Variants in STAT1 observed in about 807,000 individuals in gnomAD.
The protein encoded by STAT1 is signal transducer and activator of transcription 1-alpha/beta.
A neutral mutation model predicts 111.7 loss-of-function variants in STAT1; 24 were observed. The observed-to-expected ratio is 0.21, with a 90% confidence interval of 0.16 to 0.30. The LOEUF is 0.30. Ranked by LOEUF, STAT1 falls within the 10% of genes least tolerant of loss-of-function variation. STAT1 has a pLI of 1.00. For missense variants in STAT1, 351 were observed against 911.9 expected (o/e 0.38, Z 7.92); for synonymous variants, 332 against 326.5 (o/e 1.02, Z -0.18).
Position 190,990,000 on chromosome 2 carries a change from C to T in STAT1, c.1038-326G>A, listed in dbSNP as rs13005843. On this transcript the variant is annotated intron_variant, in intron 11 of 24. Transcript: ENST00000361099. This position sits in a 1 kb window ranked among gnomAD's most constrained non-coding sequence, Gnocchi z 5.0. ...CCAATATTCAGTTTCATCACAATTT[C>T]GACCTTTGGCCAATTTATATGGGTA... 0.065 allele frequency among the ~76,000 whole-genome samples: 9,904 copies of T among 152,256 alleles called. 376 individuals are homozygous for T. Among genetic ancestry groups the T allele is most frequent in the Middle Eastern group, 0.12 (34 of 294 alleles).
chr2:190,976,997 G>A lies in STAT1; in HGVS notation c.1902C>T (p.Tyr634=). 1 of 1,614,206 alleles carries A rather than the reference G, an allele frequency of 6.2e-7. No homozygotes were observed. Among genetic ancestry groups the A allele is most frequent in the Non-Finnish European group, 8.5e-7 (1 of 1,180,052 alleles). ...GEPDFHAVEP[Y]TKKELSAVTF... The stretch of plus-strand genomic sequence containing the variant: ...TAACAGCAGAAAGTTCTTTCTTCGT[G>A]TAGGGTTCAACCGCATGGAAGTCAG... Residue 634 remains tyrosine, a synonymous_variant, in exon 22 of 25, where the codon TAC becomes TAT. Transcript: ENST00000361099. This position sits in a 1 kb window ranked among gnomAD's most constrained non-coding sequence, Gnocchi z 6.0.
At position 190,982,468 on chromosome 2, in the gene STAT1, T is replaced by C; in HGVS notation, c.1497A>G (p.Ser499=). 1 of 1,614,216 alleles carries C rather than the reference T, an allele frequency of 6.2e-7. No individual in the cohort carries two copies. Among genetic ancestry groups the C allele is most frequent in the Non-Finnish European group, 8.5e-7 (1 of 1,180,018 alleles). Residue 499 remains serine (S), a synonymous_variant, in exon 18 of 25, where the codon TCA becomes TCG. Coordinates refer to ENST00000361099, the MANE Select transcript of STAT1 (RefSeq NM_007315.4). The surrounding 1 kb of genome is among the most constrained non-coding windows in gnomAD (Gnocchi z 7.3). ...AAGAAAACTGCCAACTCAGCACTTC[T>C]GAAAGCTGAGCCCATCGTGCACATG... is the stretch of plus-strand genomic sequence containing the variant. ...TPPCARWAQL[S]EVLSWQFSSV...
At position 190,989,667 on chromosome 2, in the gene STAT1, C is replaced by A; in HGVS notation, c.1045G>T (p.Val349Leu). Residue 349 changes from valine (V) to leucine (L), a missense_variant, in exon 12 of 25, where the codon GTG becomes TTG. By Grantham distance (32) the Val-to-Leu change is conservative. This residue lies in a region of STAT1 where 23 missense variants were observed against 123.1 expected (regional missense o/e 0.19). Coordinates refer to ENST00000361099, the MANE Select transcript of STAT1 (RefSeq NM_007315.4). The surrounding 1 kb of genome is among the most constrained non-coding windows in gnomAD (Gnocchi z 5.0). ...TTATAATTCAGCTCTTGCAATTTCACCAACAGTCTGGAAAGAAAAATAAAA... is the reference window on the plus strand; with the variant it reads ...TTATAATTCAGCTCTTGCAATTTCAACAACAGTCTGGAAAGAAAAATAAAA... ...VQFTVKLRLL[V>L]KLQELNYNLK... 1 of 1,597,332 alleles carries A rather than the reference C, an allele frequency of 6.3e-7. No homozygotes were observed. Among genetic ancestry groups the A allele is most frequent in the Non-Finnish European group, 8.6e-7 (1 of 1,168,794 alleles).
At chr2:191,013,731 T>A (rs1695316056) in intron 1 of STAT1, 53 bp from the exon 2 acceptor site, 3 of 398,532 alleles carry the variant, frequency 7.5e-6, no homozygotes, top group Admixed American at 8.8e-5. Flanking sequence ...CGGGAGAAAG[T>A]GACGGTAAAT....
chr2:190,985,937 T>A (rs1486364556), intron 14 of STAT1, among the ~76,000 whole-genome samples: 1 of 152,204 alleles, frequency 6.6e-6, no homozygotes, highest in African/African-American at 2.4e-5. Flanking sequence ...TGTTTCCCCA[T>A]GCACCTTCGT....
At position 191,004,138 on chromosome 2, in the gene STAT1, C is replaced by G. The variant is rs1474381887; in HGVS notation, c.373-2975G>C. ...TCTCTTACCCCTTCCACTCATCCCT[C>G]CCTGCTTCCCTCCACCCTGCCCCCA... is the stretch of plus-strand genomic sequence containing the variant. On this transcript the variant is annotated intron_variant, in intron 5 of 24. Transcript: ENST00000361099. This position sits in a 1 kb window ranked among gnomAD's most constrained non-coding sequence, Gnocchi z 5.0. Among the ~76,000 whole-genome samples the G allele has an allele frequency of 2.0e-5, 3 of 152,174 alleles. No individual in the cohort carries two copies. Among genetic ancestry groups the G allele is most frequent in the Non-Finnish European group, 4.4e-5 (3 of 68,022 alleles).
rs935733612 is a variant in STAT1 at position 190,989,796 on chromosome 2, CA to C, written c.1038-123del. On this transcript the variant is annotated intron_variant, in intron 11 of 24. Coordinates refer to ENST00000361099, the MANE Select transcript of STAT1 (RefSeq NM_007315.4). This position sits in a 1 kb window ranked among gnomAD's most constrained non-coding sequence, Gnocchi z 5.0. ...CCCTCCAGTTTTAGGGTATTACCAA[CA>C]AAAAAACTGACAGTTTTGTAGATCT... 5 of 674,718 alleles carry C rather than the reference CA, an allele frequency of 7.4e-6. No individual in the cohort carries two copies. The highest frequency in any genetic ancestry group is 1.8e-5 in the African/African-American group (1 of 54,598). The allele number at this position is 674,718 out of a possible 1,614,324, so 41.8% of individuals were successfully genotyped here.
At chr2:191,009,225 G>T in intron 3 of STAT1, 118 bp from the exon 4 acceptor site, 2 of 1,277,838 alleles carry the variant, frequency 1.6e-6, no homozygotes, top group Non-Finnish European at 2.2e-6. Flanking sequence ...ATTTTCTTAG[G>T]TTTATTTTCT....
rs778951169 is a variant in STAT1, at chr2:191,003,249, C to T, written c.373-2086G>A. 7.2e-5 allele frequency among the ~76,000 whole-genome samples: 11 copies of T among 152,188 alleles called. No homozygotes were observed. The highest frequency in any genetic ancestry group is 1.3e-4 in the Non-Finnish European group (9 of 68,034). ...AGAAATACATGAATGTTACTGGTAT[C>T]CTCTGTAAGTCCAAGGTGCCACATA... On this transcript the variant is annotated intron_variant, in intron 5 of 24. Transcript: ENST00000361099. This position sits in a 1 kb window ranked among gnomAD's most constrained non-coding sequence, Gnocchi z 4.0.
rs1310643542 is a variant in STAT1, at chr2:190,974,509, CT to C, written c.2238+320del. Among the ~76,000 whole-genome samples, 4 of 152,204 alleles carry C rather than the reference CT, an allele frequency of 2.6e-5. No homozygotes were observed. The East Asian group carries it at 7.7e-4, about 29-fold the overall frequency. ...ATCGCATTCCGAAGAAAAACATTTG[CT>C]TATCAAAGAAATCTTAGTTCCTTAA... On this transcript the variant is annotated intron_variant, in intron 24 of 24. Coordinates refer to ENST00000361099, the MANE Select transcript of STAT1 (RefSeq NM_007315.4). This position sits in a 1 kb window ranked among gnomAD's most constrained non-coding sequence, Gnocchi z 4.8.
chr2:190,979,813 T>C lies in STAT1; in HGVS notation c.1686A>G (p.Leu562=). The C allele has an allele frequency of 6.2e-7, 1 of 1,613,944 alleles. No homozygotes were observed. Among genetic ancestry groups the C allele is most frequent in the Non-Finnish European group, 8.5e-7 (1 of 1,179,822 alleles). The change falls in exon 20 of 25, where the codon CTA becomes CTG. Residue 562 remains leucine, a synonymous_variant. Coordinates refer to ENST00000361099, the MANE Select transcript of STAT1 (RefSeq NM_007315.4). This position sits in a 1 kb window ranked among gnomAD's most constrained non-coding sequence, Gnocchi z 5.8. The stretch of plus-strand genomic sequence containing the variant: ...GGAGCAGGTGTTTTTTAATGAGTTC[T>C]AGGATGCTTTCAATCCAAAGCCAGA... ...FPFWLWIESI[L]ELIKKHLLPL...
intron 5 of STAT1, among the ~76,000 whole-genome samples, chr2:191,005,945 T>G (rs1301657445): frequency 6.6e-6 from 1 of 152,158 alleles, no homozygotes; most frequent in Non-Finnish European, 1.5e-5. Flanking sequence ...CCAGATTACC[T>G]ACATTTTTAA....
chr2:190,999,558 T>A lies in STAT1; in HGVS notation c.541+68A>T, dbSNP rs41505447. The A allele has an allele frequency of 1.4e-3, 1,452 of 1,061,450 alleles. 12 individuals carry two copies. In the African/African-American group the frequency reaches 0.02, roughly 14 times the overall value. 65.8% of individuals were successfully genotyped at this position (1,061,450 alleles called of 1,614,324 possible). A position where few individuals can be genotyped will look rare whatever the true frequency, so the allele number is the denominator to read the frequency against. ...CTCGGCAAATAGAAAGGAGTAATCATCTTCGTTATCTAGTGTGAACAGAAA... is the reference window on the plus strand; with the variant it reads ...CTCGGCAAATAGAAAGGAGTAATCAACTTCGTTATCTAGTGTGAACAGAAA... On this transcript the variant is annotated intron_variant, in intron 7 of 24. Transcript: ENST00000361099. The surrounding 1 kb of genome is among the most constrained non-coding windows in gnomAD (Gnocchi z 4.1).
intron 2 of STAT1, among the ~76,000 whole-genome samples, chr2:191,013,153 T>C (rs1336466672): frequency 6.6e-6 from 1 of 152,204 alleles, no homozygotes; most frequent in Non-Finnish European, 1.5e-5. Flanking sequence ...CAGACGGAAT[T>C]AGAAAGTAAA....
At position 191,006,178 on chromosome 2, in the gene STAT1, C is replaced by T. The variant is rs1694675671; in HGVS notation, c.372+1385G>A. 6.6e-6 allele frequency among the ~76,000 whole-genome samples: 1 copy of T among 152,178 alleles called. No homozygotes were observed. Among genetic ancestry groups the T allele is most frequent in the African/African-American group, 2.4e-5 (1 of 41,438 alleles). On this transcript the variant is annotated intron_variant, in intron 5 of 24. Transcript: ENST00000361099. This position sits in a 1 kb window ranked among gnomAD's most constrained non-coding sequence, Gnocchi z 4.6. ...GTCTATTAGAAATACAGAGGAGGCCCACGCATACTACTTTTAGGATGGAAG... is the reference window on the plus strand; with the variant it reads ...GTCTATTAGAAATACAGAGGAGGCCTACGCATACTACTTTTAGGATGGAAG...
In STAT1 at chr2:190,993,328, A is replaced by G. The variant is rs1316602997; in HGVS notation, c.944+1733T>C. ...CTAGGATGCCATTGGCTCCTCTGTAATAACTGGAGATGACTGTTCGAAACC... is the reference window on the plus strand; with the variant it reads ...CTAGGATGCCATTGGCTCCTCTGTAGTAACTGGAGATGACTGTTCGAAACC... On this transcript the variant is annotated intron_variant, in intron 10 of 24. Coordinates refer to ENST00000361099, the MANE Select transcript of STAT1 (RefSeq NM_007315.4). The surrounding 1 kb of genome is among the most constrained non-coding windows in gnomAD (Gnocchi z 4.1). The G allele has an allele frequency of 6.1e-6, 5 of 823,040 alleles. No individual in the cohort carries two copies. The highest frequency in any genetic ancestry group is 1.0e-5 in the Non-Finnish European group (5 of 488,510). 51.0% of individuals were successfully genotyped at this position (823,040 alleles called of 1,614,324 possible).
chr2:191,001,868 G>A (rs941063880), intron 5 of STAT1, among the ~76,000 whole-genome samples: 1 of 152,190 alleles, frequency 6.6e-6, no homozygotes, highest in Non-Finnish European at 1.5e-5. Context: ...AGGCTCGGGT[G>A]TTAGAGTGGT....
In STAT1 at chr2:190,988,370, G is replaced by C. The variant is rs906574484; in HGVS notation, c.1097+1245C>G. ...GAAATAATGAGTTTTTGAGTTTTTA[G>C]CCACTAAGTTTTTGTTTGTTTGTTT... On this transcript the variant is annotated intron_variant, in intron 12 of 24. Transcript: ENST00000361099. Among the ~76,000 whole-genome samples, 7 of 152,230 alleles carry C rather than the reference G, an allele frequency of 4.6e-5. No homozygotes were observed. The South Asian group carries it at 8.3e-4, about 18-fold the overall frequency.
At position 190,984,416 on chromosome 2, in the gene STAT1, G is replaced by C; in HGVS notation, c.1264-23C>G. On this transcript the variant is annotated intron_variant, in intron 15 of 24. Transcript: ENST00000361099. The surrounding 1 kb of genome is among the most constrained non-coding windows in gnomAD (Gnocchi z 5.2). The stretch of plus-strand genomic sequence containing the variant: ...ACCCTTGGAAGAGAAAAGGAAAGAA[G>C]AAAAGAATATAATTATTCACAGATC... 1.3e-6 allele frequency: 2 copies of C among 1,588,054 alleles called. No individual in the cohort carries two copies. The highest frequency in any genetic ancestry group is 1.7e-6 in the Non-Finnish European group (2 of 1,156,854).
Sources: allele counts gnomAD v4.1 joint callset (sites outside exome capture counted in the v4.1 genomes callset), GRCh38; gene constraint gnomAD v4.1.1; regional missense constraint gnomAD v4.1.1; non-coding constraint Gnocchi (gnomAD v3.1); transcripts MANE v1.5; gene names NCBI Gene and HGNC (gene_info 2026-07-23, HGNC 2026-07-21).